BASP1: variants seen among roughly 807,000 people sequenced by gnomAD.
BASP1 encodes brain acid soluble protein 1.
BASP1 carries 1 observed loss-of-function variant against 2.2 expected under a neutral mutation model. That is an observed-to-expected ratio of 0.46 (90% CI 0.16 to 2.17). The LOEUF is 2.17. Ranked by LOEUF, BASP1 falls within the 30% of genes most tolerant of loss-of-function variation. The pLI is 0.27. For synonymous variants in BASP1, 187 were observed against 154.2 expected (o/e 1.21, Z -1.58); for missense variants, 352 against 327.2 (o/e 1.08, Z -0.58).
intron 1 of BASP1, among the ~76,000 whole-genome samples, chr5:17,219,881 T>C (rs1350683204): frequency 1.3e-5 from 2 of 152,210 alleles, no homozygotes; most frequent in African/African-American, 4.8e-5. Flanking sequence ...GGGGTGAAGC[T>C]GGTTGATTAG....
At chr5:17,228,536 C>G (rs1490264982) in intron 1 of BASP1, among the ~76,000 whole-genome samples, 1 of 152,218 alleles carries the variant, frequency 6.6e-6, no homozygotes, top group Admixed American at 6.5e-5. Flanking sequence ...CTTCATATCT[C>G]TCCACCTCAC....
At chr5:17,258,828 G>A (rs1174479890) in intron 1 of BASP1, among the ~76,000 whole-genome samples, 1 of 152,170 alleles carries the variant, frequency 6.6e-6, no homozygotes, top group Non-Finnish European at 1.5e-5. Flanking sequence ...GTAGCTAAAG[G>A]GCTCAAATTT....
At chr5:17,256,154 T>C (rs1190456349) in intron 1 of BASP1, among the ~76,000 whole-genome samples, 1 of 152,210 alleles carries the variant, frequency 6.6e-6, no homozygotes, top group Non-Finnish European at 1.5e-5. Context: ...CACAAACAAT[T>C]TGAAGGACAT....
chr5:17,217,241 A>C (rs2126481232), upstream of BASP1, among the ~76,000 whole-genome samples: 1 of 78,508 alleles, frequency 1.3e-5, no homozygotes, highest in African/African-American at 5.6e-5. Context: ...TTGGCGGGGC[A>C]CAGAGTTGGG....
chr5:17,235,194 A>G lies in BASP1; in HGVS notation c.-10+17384A>G, dbSNP rs973345537. 1.1e-3 allele frequency among the ~76,000 whole-genome samples: 161 copies of G among 151,906 alleles called. 3 individuals carry two copies. The highest frequency in any genetic ancestry group is 7.4e-5 in the Non-Finnish European group (5 of 68,004). ...GGCTCTCACCTGACAGGCTAACTGC[A>G]TTAAGATGGGCCACTCAGCTTGAGA... On this transcript the variant is annotated intron_variant, in intron 1 of 1. Coordinates refer to ENST00000322611, the MANE Select transcript of BASP1 (RefSeq NM_006317.5).
At chr5:17,226,975 C>A (rs180775103) in intron 1 of BASP1, among the ~76,000 whole-genome samples, 45 of 150,848 alleles carry the variant, frequency 3.0e-4, no homozygotes, top group African/African-American at 1.1e-3. Context: ...GTCGCCCAGG[C>A]TGGAGTGCAG....
chr5:17,223,798 C>G (rs965950556), intron 1 of BASP1, among the ~76,000 whole-genome samples: 5 of 152,162 alleles, frequency 3.3e-5, no homozygotes, highest in Non-Finnish European at 1.5e-5. Context: ...TGTCTTGAAT[C>G]AGATGTATCA....
Position 17,275,779 on chromosome 5 carries a change from C to T in BASP1, c.563C>T (p.Ala188Val), listed in dbSNP as rs1010377980. Residue 188 changes from alanine (A) to valine (V), a missense_variant, in exon 2 of 2, where the codon GCA becomes GTA. Physicochemically the swap from Ala to Val is moderately conservative, Grantham distance 64. Transcript: ENST00000322611. This position sits in a 1 kb window ranked among gnomAD's most constrained non-coding sequence, Gnocchi z 5.3. ...GCCCCCTCTTCCAAGGAGACCCCCG[C>T]AGCCACGGAAGCGCCTAGTTCCACA... ...EAAPSSKETP[A>V]ATEAPSSTPK... is the part of the protein sequence containing the mutation. The T allele has an allele frequency of 1.2e-6, 2 of 1,613,140 alleles. No individual in the cohort carries two copies. Among genetic ancestry groups the T allele is most frequent in the Non-Finnish European group, 1.7e-6 (2 of 1,179,820 alleles).
At chr5:17,231,135 G>A (rs1454853285) in intron 1 of BASP1, among the ~76,000 whole-genome samples, 2 of 152,180 alleles carry the variant, frequency 1.3e-5, no homozygotes, top group Admixed American at 1.3e-4. Flanking sequence ...AACATAGGAT[G>A]TAAGTTATTG....
intron 1 of BASP1, among the ~76,000 whole-genome samples, chr5:17,239,436 C>T (rs1470325471): frequency 6.6e-6 from 1 of 152,132 alleles, no homozygotes; most frequent in Non-Finnish European, 1.5e-5. Context: ...GGAAATTCTC[C>T]CTATTCACTA....
intron 1 of BASP1, among the ~76,000 whole-genome samples, chr5:17,219,118 G>A (rs1335078038): frequency 2.3e-5 from 2 of 85,522 alleles, no homozygotes; most frequent in Admixed American, 2.9e-4. Context: ...CCCACCTCCC[G>A]GGATTACAGC....
chr5:17,220,515 G>A (rs1019738010), intron 1 of BASP1, among the ~76,000 whole-genome samples: 1 of 151,990 alleles, frequency 6.6e-6, no homozygotes, highest in Admixed American at 6.6e-5. Context: ...CTATCAGTTC[G>A]CTTATTCTTT....
chr5:17,222,569 G>T (rs1329161265), intron 1 of BASP1, among the ~76,000 whole-genome samples: 1 of 152,160 alleles, frequency 6.6e-6, no homozygotes, highest in Non-Finnish European at 1.5e-5. Context: ...TTGTAATTTT[G>T]AGGAGCCACA....
chr5:17,223,178 G>A (rs1165183181), intron 1 of BASP1, among the ~76,000 whole-genome samples: 4 of 152,090 alleles, frequency 2.6e-5, no homozygotes, highest in Admixed American at 2.6e-4. Context: ...GCATGGTGGG[G>A]ATGGACTTTG....
chr5:17,233,104 A>G (rs1047313432), intron 1 of BASP1, among the ~76,000 whole-genome samples: 3 of 152,178 alleles, frequency 2.0e-5, no homozygotes, highest in African/African-American at 7.2e-5. Context: ...ATTCCAAAAC[A>G]TTTCTGGATG....
chr5:17,267,346 T>C (rs150267799), intron 1 of BASP1, among the ~76,000 whole-genome samples: 1 of 152,312 alleles, frequency 6.6e-6, no homozygotes, highest in African/African-American at 2.4e-5. Context: ...CTGACAGTTA[T>C]GACGCTATTT....
chr5:17,265,250 TGAA>T (rs1740395509), intron 1 of BASP1, among the ~76,000 whole-genome samples: 1 of 152,214 alleles, frequency 6.6e-6, no homozygotes, highest in African/African-American at 2.4e-5. Context: ...TTGCATTTTC[TGAA>T]GAAGGGCAAT....
intron 1 of BASP1, among the ~76,000 whole-genome samples, chr5:17,240,153 A>AATAAATAG (rs1739833648): frequency 6.6e-6 from 1 of 151,618 alleles, no homozygotes. Flanking sequence ...TAAATAAATA[A>AATAAATAG]ATAAATAAAT....
intron 1 of BASP1, among the ~76,000 whole-genome samples, chr5:17,229,945 G>A (rs1245410232): frequency 1.3e-5 from 2 of 151,628 alleles, no homozygotes; most frequent in Non-Finnish European, 2.9e-5. Flanking sequence ...ACCACGCCCA[G>A]CTAATTTTTT....
Sources: gnomAD v4.1 joint callset for allele counts (sites outside exome capture counted in the v4.1 genomes callset) on GRCh38, gnomAD v4.1.1 for gene constraint, Gnocchi (gnomAD v3.1) non-coding constraint, MANE v1.5 for transcripts, NCBI Gene and HGNC (gene_info 2026-07-23, HGNC 2026-07-21) for gene names.